NRXN3: variants seen among roughly 807,000 people sequenced by gnomAD.
NRXN3 encodes neurexin 3, also known as neurexin III.
Under a neutral mutation model 137.6 loss-of-function variants are expected in NRXN3, and 32 were observed. The observed-to-expected ratio is 0.23, with a 90% CI of 0.18 to 0.31. The LOEUF (loss-of-function observed/expected upper bound fraction) is 0.31, where lower values mean the gene tolerates loss of function less well. Ranked by LOEUF, NRXN3 falls within the 10% of genes least tolerant of loss-of-function variation. NRXN3 has a pLI of 1.00. For missense variants in NRXN3, 1,574 were observed against 2,062.5 expected, an observed-to-expected ratio of 0.76 and a Z score of 4.59; for synonymous variants, 798 against 784.5, an observed-to-expected ratio of 1.02 and a Z score of -0.29.
intron 15 of NRXN3, among the ~76,000 whole-genome samples, chr14:79,348,130 A>G (rs1225948707): frequency 6.6e-6 from 1 of 152,160 alleles, no homozygotes; most frequent in Admixed American, 6.5e-5. Flanking sequence ...TAACAGAGCC[A>G]CAAGTTTTTT....
At chr14:78,932,130 A>G (rs2099323917) in intron 10 of NRXN3, among the ~76,000 whole-genome samples, 1 of 151,684 alleles carries the variant, frequency 6.6e-6, no homozygotes, top group Admixed American at 6.6e-5. Context: ...ACAGAGCAAG[A>G]CTCCATCTCT....
intron 15 of NRXN3, among the ~76,000 whole-genome samples, chr14:79,330,559 A>T (rs2091532704): frequency 1.3e-5 from 2 of 152,144 alleles, no homozygotes; most frequent in Non-Finnish European, 2.9e-5. Context: ...TGCCTAATAC[A>T]CATGATGCTT....
rs572938951 is a variant in NRXN3, at chr14:78,419,837, C to T, written c.757+121977C>T. ...TGGCACTGACATGCCTTGGAGACTT[C>T]GTATTGATGATCATGGCTAACTGAC... On this transcript the variant is annotated intron_variant, in intron 4 of 20. Transcript: ENST00000335750. Among the ~76,000 whole-genome samples, 10 of 152,234 alleles carry T rather than the reference C, an allele frequency of 6.6e-5. No homozygotes were observed. The South Asian group carries it at 1.2e-3, about 19-fold the overall frequency.
intron 15 of NRXN3, among the ~76,000 whole-genome samples, chr14:79,358,617 GAAAGAAAGAA>G (rs1566902590): frequency 1.5e-5 from 2 of 133,506 alleles, no homozygotes; most frequent in African/African-American, 2.8e-5. Flanking sequence ...GAGAAAGAAA[GAAAGAAAGAA>G]AGAAAGAAAG....
intron 9 of NRXN3, among the ~76,000 whole-genome samples, chr14:78,809,359 C>T (rs567777184): frequency 4.6e-5 from 7 of 152,156 alleles, no homozygotes; most frequent in Non-Finnish European, 8.8e-5. Context: ...TCAAAGGTGC[C>T]GAGACCTCCT....
At chr14:78,860,252 T>G (rs2099068866) in intron 10 of NRXN3, among the ~76,000 whole-genome samples, 1 of 152,188 alleles carries the variant, frequency 6.6e-6, no homozygotes, top group Non-Finnish European at 1.5e-5. Context: ...TACATAGGTA[T>G]TTTTACTATC....
At chr14:78,617,011 C>A (rs533117009) in intron 4 of NRXN3, among the ~76,000 whole-genome samples, 58 of 152,270 alleles carry the variant, frequency 3.8e-4, no homozygotes, top group Non-Finnish European at 6.8e-4. Flanking sequence ...CCTGCTCACC[C>A]CCCACTGCAC....
intron 4 of NRXN3, among the ~76,000 whole-genome samples, chr14:78,307,843 G>C (rs996356783): frequency 1.3e-5 from 2 of 152,140 alleles, no homozygotes; most frequent in African/African-American, 4.8e-5. Context: ...GCAGATCCCA[G>C]ATGGCAGCTT....
intron 4 of NRXN3, among the ~76,000 whole-genome samples, chr14:78,588,071 T>C (rs1253850854): frequency 6.6e-6 from 1 of 152,180 alleles, no homozygotes; most frequent in Non-Finnish European, 1.5e-5. Flanking sequence ...ATGAGAAGAA[T>C]TTATTGAGAG....
intron 20 of NRXN3, among the ~76,000 whole-genome samples, chr14:79,857,053 G>C (rs2099404122): frequency 6.6e-6 from 1 of 151,846 alleles, no homozygotes; most frequent in African/African-American, 2.4e-5. Flanking sequence ...TGGGTTATTT[G>C]CTTCCATGAA....
intron 4 of NRXN3, among the ~76,000 whole-genome samples, chr14:78,326,239 A>G (rs2080064480): frequency 6.6e-6 from 1 of 152,170 alleles, no homozygotes; most frequent in Non-Finnish European, 1.5e-5. Flanking sequence ...ACGAGTACCT[A>G]TAGAATGATA....
chr14:78,685,732 A>G (rs1362211793), intron 6 of NRXN3, among the ~76,000 whole-genome samples: 1 of 150,430 alleles, frequency 6.6e-6, no homozygotes, highest in African/African-American at 2.5e-5. Context: ...TCCTGGGTTC[A>G]AGCGATTCTC....
intron 4 of NRXN3, among the ~76,000 whole-genome samples, chr14:78,450,102 C>T (rs1032942991): frequency 6.6e-5 from 10 of 152,144 alleles, no homozygotes; most frequent in Non-Finnish European, 1.0e-4. Flanking sequence ...ATAAAACAAG[C>T]ACTGGCAAGA....
At chr14:79,736,905 G>T (rs1028116065) in intron 19 of NRXN3, among the ~76,000 whole-genome samples, 2 of 152,152 alleles carry the variant, frequency 1.3e-5, no homozygotes, top group Non-Finnish European at 2.9e-5. Context: ...AGGTGAGAGG[G>T]AAGATGTAAC....
At position 78,236,640 on chromosome 14, in the gene NRXN3, C is replaced by T. The variant is rs1459269631; in HGVS notation, c.-703-5751C>T. 3.3e-5 allele frequency among the ~76,000 whole-genome samples: 5 copies of T among 152,092 alleles called. No individual in the cohort carries two copies. The East Asian group carries it at 7.7e-4, about 23-fold the overall frequency. On this transcript the variant is annotated intron_variant, in intron 1 of 20. Transcript: ENST00000335750. The stretch of plus-strand genomic sequence containing the variant: ...TAAAAATGTTCAGCTTTAGTAGATA[C>T]TGCCAGCATAATTTTCCAAAAGTAG...
chr14:78,907,158 T>G (rs1567669163), intron 10 of NRXN3, among the ~76,000 whole-genome samples: 1 of 152,100 alleles, frequency 6.6e-6, no homozygotes, highest in African/African-American at 2.4e-5. Flanking sequence ...TGAAATTGGA[T>G]TGCATATTAA....
chr14:78,263,543 T>C (rs2071145449), intron 2 of NRXN3, among the ~76,000 whole-genome samples: 1 of 152,160 alleles, frequency 6.6e-6, no homozygotes, highest in Non-Finnish European at 1.5e-5. Flanking sequence ...TCGATTCATT[T>C]TTTCTTCAGC....
chr14:79,743,593 C>T (rs930355597), intron 19 of NRXN3, among the ~76,000 whole-genome samples: 2 of 152,142 alleles, frequency 1.3e-5, no homozygotes, highest in Non-Finnish European at 2.9e-5. Context: ...CCAAGTGATT[C>T]TAATAGGTGG....
At position 78,346,359 on chromosome 14, in the gene NRXN3, C is replaced by A. The variant is rs182371216; in HGVS notation, c.757+48499C>A. On this transcript the variant is annotated intron_variant, in intron 4 of 20. Coordinates refer to ENST00000335750, the MANE Select transcript of NRXN3 (RefSeq NM_001330195.2). ...TACCTGGGGCCTGGTCTCCTCCCTA[C>A]CTGGTCTCCTGGTCTGCCTCAGTAA... Among the ~76,000 whole-genome samples, 21 of 152,274 alleles carry A rather than the reference C, an allele frequency of 1.4e-4. No individual in the cohort carries two copies. In the East Asian group the frequency reaches 3.9e-3, roughly 28 times the overall value.
Sources: allele counts gnomAD v4.1 joint callset (sites outside exome capture counted in the v4.1 genomes callset), GRCh38; gene constraint gnomAD v4.1.1; transcripts MANE v1.5; gene names NCBI Gene and HGNC (gene_info 2026-07-23, HGNC 2026-07-21).